Variants in LZTFL1 observed in about 807,000 individuals in gnomAD.
LZTFL1 encodes leucine zipper transcription factor-like protein 1.
Under a neutral mutation model 45.9 loss-of-function variants are expected in LZTFL1, and 25 were observed. The observed-to-expected ratio is 0.54, with a 90% CI of 0.40 to 0.76. The LOEUF (loss-of-function observed/expected upper bound fraction) is 0.76. Among genes scored for constraint, LZTFL1 ranks in the 30% least tolerant of loss-of-function variants. The probability of loss-of-function intolerance (pLI) is 0.00; values close to 1 mark genes in which losing one functional copy is unlikely to be tolerated. For missense variants in LZTFL1, 277 were observed against 331.1 expected, an observed-to-expected ratio of 0.84 and a Z score of 1.27; for synonymous variants, 93 against 117.4, an observed-to-expected ratio of 0.79 and a Z score of 1.35.
At chr3:45,885,181 A>G (rs1701947469) in intron 2 of LZTFL1, among the ~76,000 whole-genome samples, 2 of 152,222 alleles carry the variant, frequency 1.3e-5, no homozygotes, top group Admixed American at 1.3e-4. Flanking sequence ...GTACCACGCC[A>G]TGACAGAGCG....
intron 1 of LZTFL1, 187 bp downstream of exon 1, chr3:45,841,802 C>G (rs938905852): frequency 1.1e-5 from 8 of 711,900 alleles, no homozygotes; most frequent in Non-Finnish European, 1.6e-5. Context: ...AGGATTACCC[C>G]AGAAGGGCTT....
At chr3:45,897,668 C>A (rs142407458) in intron 2 of LZTFL1, 26 of 1,431,722 alleles carry the variant, frequency 1.8e-5, no homozygotes, top group Non-Finnish European at 2.3e-5. Flanking sequence ...CTGGCCTTCC[C>A]ACCTGCCCCC....
At chr3:45,913,530 C>T (rs578130936) in intron 1 of LZTFL1, among the ~76,000 whole-genome samples, 18 of 152,186 alleles carry the variant, frequency 1.2e-4, no homozygotes, top group Admixed American at 9.2e-4. Flanking sequence ...CCTTCATTTC[C>T]GAGTGGAGAT....
chr3:45,887,333 T>A (rs1702014968), intron 2 of LZTFL1, among the ~76,000 whole-genome samples: 1 of 152,156 alleles, frequency 6.6e-6, no homozygotes, highest in South Asian at 2.1e-4. Context: ...TAACAATGGC[T>A]AAACTAGGAA....
At chr3:45,897,993 A>AC (rs68003981) in intron 2 of LZTFL1, among the ~76,000 whole-genome samples, 59 of 146,360 alleles carry the variant, frequency 4.0e-4, no homozygotes, top group African/African-American at 7.5e-4. Context: ...AAAAAAAAAA[A>AC]CACACAAAAC....
At chr3:45,865,390 A>G (rs1180600524) in intron 2 of LZTFL1, among the ~76,000 whole-genome samples, 1 of 152,270 alleles carries the variant, frequency 6.6e-6, no homozygotes, top group Non-Finnish European at 1.5e-5. Context: ...TTGTTCAGTG[A>G]GTGAAACCAG....
Position 45,833,126 on chromosome 3 carries a change from A to G in LZTFL1, c.385-5T>C. 1.9e-6 allele frequency: 3 copies of G among 1,609,886 alleles called. No individual in the cohort carries two copies. The highest frequency in any genetic ancestry group is 2.6e-6 in the Non-Finnish European group (3 of 1,176,242). On this transcript the variant is annotated splice_polypyrimidine_tract_variant and splice_region_variant and intron_variant, in intron 4 of 9. Transcript: ENST00000296135. ...CTTTGTGACATCTAAGATGGGCTGA[A>G]ACAAAATAAAGAAACCAAACTGAAA...
chr3:45,905,544 C>A (rs1372249861), intron 2 of LZTFL1, among the ~76,000 whole-genome samples: 1 of 152,228 alleles, frequency 6.6e-6, no homozygotes, highest in African/African-American at 2.4e-5. Flanking sequence ...ATGGAGATGC[C>A]TCAAGAAAGA....
rs544338387 is a variant in LZTFL1, at chr3:45,824,718, A to C, written c.*1596T>G. On this transcript the variant is annotated 3_prime_UTR_variant, in exon 10 of 10. Transcript: ENST00000296135. ...AGGCCACACTAGCCCTTTAGCCAAG[A>C]GTTCTGCTTCTGAATTACATAGAAC... 225 of 397,680 alleles carry C rather than the reference A, an allele frequency of 5.7e-4. No individual in the cohort carries two copies. Among genetic ancestry groups the C allele is most frequent in the African/African-American group, 3.7e-3 (178 of 48,714 alleles). 24.6% of individuals were successfully genotyped at this position (397,680 alleles called of 1,614,324 possible).
chr3:45,893,849 C>T (rs1359220209), intron 2 of LZTFL1, among the ~76,000 whole-genome samples: 1 of 152,154 alleles, frequency 6.6e-6, no homozygotes, highest in Non-Finnish European at 1.5e-5. Context: ...GCATGTATAA[C>T]GTCTTAAGAA....
rs138242901 is a variant in LZTFL1 at position 45,914,802 on chromosome 3, C to T, written c.-273+619G>A. On this transcript the variant is annotated intron_variant, in intron 1 of 4. Coordinates refer to the LZTFL1 transcript ENST00000472635. ...CCAGGACCAGTTCTGGTCTCCTTGT[C>T]CTTCTTCCACTGGTCACCTTCAGGG... Among the ~76,000 whole-genome samples the T allele has an allele frequency of 4.6e-3, 697 of 152,306 alleles. 5 individuals are homozygous for T. Among genetic ancestry groups the T allele is most frequent in the African/African-American group, 0.016 (663 of 41,562 alleles).
chr3:45,827,168 A>T, intron 9 of LZTFL1, 188 bp downstream of exon 9: 1 of 563,518 alleles, frequency 1.8e-6, no homozygotes, highest in Admixed American at 3.5e-5. Flanking sequence ...GAACCTAAAA[A>T]GAAGCCCTGG....
intron 2 of LZTFL1, chr3:45,897,637 G>A (rs941810672): frequency 1.3e-6 from 2 of 1,530,076 alleles, no homozygotes; most frequent in African/African-American, 1.4e-5. Context: ...CTTAGCCCAG[G>A]ACTAACACAG....
At chr3:45,913,551 G>A (rs1377984746) in intron 1 of LZTFL1, among the ~76,000 whole-genome samples, 11 of 152,232 alleles carry the variant, frequency 7.2e-5, no homozygotes, top group Non-Finnish European at 1.5e-5. Flanking sequence ...AAACATAAAT[G>A]ATACTTTGAG....
At chr3:45,834,474 T>A in intron 3 of LZTFL1, 176 bp from the exon 4 acceptor site, 2 of 492,318 alleles carry the variant, frequency 4.1e-6, no homozygotes, top group Non-Finnish European at 7.3e-6. Context: ...CTAAACCACA[T>A]GGACTCAAAT....
chr3:45,865,952 A>G (rs1701571836), intron 2 of LZTFL1, among the ~76,000 whole-genome samples: 3 of 152,264 alleles, frequency 2.0e-5, no homozygotes, highest in Non-Finnish European at 4.4e-5. Flanking sequence ...ATACTATTCC[A>G]CAATAATAGG....
chr3:45,857,403 T>C (rs1367095918), intron 3 of LZTFL1, among the ~76,000 whole-genome samples: 1 of 152,082 alleles, frequency 6.6e-6, no homozygotes, highest in Non-Finnish European at 1.5e-5. Flanking sequence ...TCAGGATAAA[T>C]AGCTAATTCA....
intron 2 of LZTFL1, among the ~76,000 whole-genome samples, chr3:45,869,835 G>T (rs1173453984): frequency 1.3e-5 from 2 of 152,242 alleles, no homozygotes; most frequent in Admixed American, 6.5e-5. Flanking sequence ...CAAGATGAAA[G>T]ATGATGTCAT....
intron 2 of LZTFL1, among the ~76,000 whole-genome samples, chr3:45,890,126 T>C (rs1367885200): frequency 2.0e-5 from 3 of 149,558 alleles, no homozygotes; most frequent in Non-Finnish European, 4.4e-5. Context: ...TTGCTGTCAC[T>C]CACTATAACA....
Sources: gnomAD v4.1 joint callset for allele counts (sites outside exome capture counted in the v4.1 genomes callset) on GRCh38, gnomAD v4.1.1 for gene constraint, MANE v1.5 for transcripts, NCBI Gene and HGNC (gene_info 2026-07-23, HGNC 2026-07-21) for gene names.